Variants in ARRDC3 observed in about 807,000 individuals in gnomAD.
ARRDC3 encodes the protein arrestin domain containing 3.
Under a neutral mutation model 47.2 loss-of-function variants are expected in ARRDC3, and 10 were observed. The observed-to-expected ratio is 0.21, with a 90% CI of 0.13 to 0.36. The LOEUF is 0.36. Among genes scored for constraint, ARRDC3 ranks in the 10% least tolerant of loss-of-function variants. ARRDC3 has a pLI of 1.00. For missense variants in ARRDC3, 381 were observed against 503.6 expected (o/e 0.76, Z 2.33); for synonymous variants, 156 against 178.3 (o/e 0.87, Z 1.00).
Position 91,369,830 on chromosome 5 carries a change from G to A in ARRDC3, c.*1570C>T, listed in dbSNP as rs944397015. On this transcript the variant is annotated 3_prime_UTR_variant, in exon 8 of 8. Coordinates refer to ENST00000265138, the MANE Select transcript of ARRDC3 (RefSeq NM_020801.4). ...ATGCTGAAATGCTATCATGAATGCT[G>A]GTATATTTGTTATGAGCCAACAGAA... is the stretch of plus-strand genomic sequence containing the variant. 1 of 152,002 alleles carries A rather than the reference G, an allele frequency of 6.6e-6. No individual in the cohort carries two copies. Among genetic ancestry groups the A allele is most frequent in the African/African-American group, 2.4e-5 (1 of 41,370 alleles). 9.4% of individuals were successfully genotyped at this position (152,002 alleles called of 1,614,324 possible). A position where few individuals can be genotyped will look rare whatever the true frequency, so the allele number is the denominator to read the frequency against.
At chr5:91,379,519 G>GA (rs1799390347) in intron 1 of ARRDC3, among the ~76,000 whole-genome samples, 1 of 151,850 alleles carries the variant, frequency 6.6e-6, no homozygotes, top group East Asian at 1.9e-4. Context: ...CAACATCCTT[G>GA]AAAAAAATGA....
Position 91,371,081 on chromosome 5 carries a change from T to G in ARRDC3, c.*319A>C, listed in dbSNP as rs1321200013. 3.7e-6 allele frequency: 1 copy of G among 271,246 alleles called. No individual in the cohort carries two copies. Among genetic ancestry groups the G allele is most frequent in the Non-Finnish European group, 6.8e-6 (1 of 146,328 alleles). 16.8% of individuals were successfully genotyped at this position (271,246 alleles called of 1,614,324 possible). ...AATGTAAGCATTGAGCATGTGCAAATTTTCAAATCAAAAGAAGGAAATCAT... is the reference window on the plus strand; with the variant it reads ...AATGTAAGCATTGAGCATGTGCAAAGTTTCAAATCAAAAGAAGGAAATCAT... On this transcript the variant is annotated 3_prime_UTR_variant, in exon 8 of 8. Transcript: ENST00000265138.
rs748320156 is a variant in ARRDC3 at position 91,374,123 on chromosome 5, T to C, written c.1024A>G (p.Arg342Gly). The change falls in exon 6 of 8, where the codon AGA becomes GGA. Residue 342 changes from arginine (R) to glycine (G), a missense_variant. Arg to Gly is a moderately radical substitution (Grantham distance 125). Transcript: ENST00000265138. ...TGTATTATCAAATTACCTTCAGGTC[T>C]TTCAGGAAGTGATAAACTGAGCCAG... ...MNWLSLSLPE[R>G]PEAPPSYAEV... 1 of 1,611,914 alleles carries C rather than the reference T, an allele frequency of 6.2e-7. No homozygotes were observed. Among genetic ancestry groups the C allele is most frequent in the Non-Finnish European group, 8.5e-7 (1 of 1,179,372 alleles).
Position 91,371,391 on chromosome 5 carries a change from A to G in ARRDC3, c.*9T>C. 6.2e-7 allele frequency: 1 copy of G among 1,610,700 alleles called. No homozygotes were observed. The highest frequency in any genetic ancestry group is 2.2e-5 in the East Asian group (1 of 44,854). ...AACCCACATCAACTTGATTCAACCAAGTGTTCCTTCAACGAGAGGGGCAGG... is the reference window on the plus strand; with the variant it reads ...AACCCACATCAACTTGATTCAACCAGGTGTTCCTTCAACGAGAGGGGCAGG... On this transcript the variant is annotated 3_prime_UTR_variant, in exon 8 of 8. Transcript: ENST00000265138.
intron 7 of ARRDC3, among the ~76,000 whole-genome samples, chr5:91,372,686 C>T (rs998484821): frequency 1.3e-5 from 2 of 151,742 alleles, no homozygotes; most frequent in African/African-American, 4.8e-5. Context: ...ATCATCACAA[C>T]CAAAGGAAAA....
In ARRDC3 at chr5:91,375,088, T is replaced by C. The variant is rs1235455778; in HGVS notation, c.704A>G (p.Tyr235Cys). ...TACTTCCTTCATTTTCCCTTTGGCA[T>C]AGAAGGCCTGTGTTTGGTAAATGGC... Reference protein sequence around the residue: ...KAAIYQTQAFYAKGKMKEVKQ... With the variant: ...KAAIYQTQAFCAKGKMKEVKQ... Residue 235 changes from tyrosine to cysteine, a missense_variant, in exon 5 of 8, where the codon TAT (tyrosine) becomes TGT (cysteine). By Grantham distance (194) the Tyr-to-Cys change is radical. Transcript: ENST00000265138. 2 of 1,614,186 alleles carry C rather than the reference T, an allele frequency of 1.2e-6. No homozygotes were observed. The highest frequency in any genetic ancestry group is 1.1e-5 in the South Asian group (1 of 91,086).
At position 91,377,721 on chromosome 5, in the gene ARRDC3, A is replaced by G. The variant is rs563031408; in HGVS notation, c.363-953T>C. Among the ~76,000 whole-genome samples, 52 of 152,158 alleles carry G rather than the reference A, an allele frequency of 3.4e-4. No individual in the cohort carries two copies. In the East Asian group the frequency reaches 9.3e-3, roughly 27 times the overall value. On this transcript the variant is annotated intron_variant, in intron 2 of 7. Transcript: ENST00000265138. Reference sequence around the variant, plus strand: ...TTTAACATTAAATGACGCTGAAAATACTCAGGCCCCATATTGGCCTTATTC... The same window carrying G: ...TTTAACATTAAATGACGCTGAAAATGCTCAGGCCCCATATTGGCCTTATTC...
chr5:91,375,921 TA>T (rs541859651), intron 3 of ARRDC3, among the ~76,000 whole-genome samples: 1 of 151,338 alleles, frequency 6.6e-6, no homozygotes, highest in Non-Finnish European at 1.5e-5. Context: ...ACCAACCAAA[TA>T]AAAAAAACCC....
Position 91,369,336 on chromosome 5 carries a change from A to G in ARRDC3, c.*2064T>C, listed in dbSNP as rs1238305278. ...AAATGCCCTTTATGCCAAATATTCC[A>G]TTAGCTTTTTTTGAGGGGGACATTC... On this transcript the variant is annotated 3_prime_UTR_variant, in exon 8 of 8. Coordinates refer to ENST00000265138, the MANE Select transcript of ARRDC3 (RefSeq NM_020801.4). 6.6e-6 allele frequency: 1 copy of G among 152,400 alleles called. No homozygotes were observed. Among genetic ancestry groups the G allele is most frequent in the East Asian group, 1.9e-4 (1 of 5,192 alleles). The allele number at this position is 152,400 out of a possible 1,614,324, so 9.4% of individuals were successfully genotyped here. A position where few individuals can be genotyped will look rare whatever the true frequency, so the allele number is the denominator to read the frequency against.
rs959048568 is a variant in ARRDC3, at chr5:91,371,151, A to G, written c.*249T>C. On this transcript the variant is annotated 3_prime_UTR_variant, in exon 8 of 8. Transcript: ENST00000265138. ...TCTTGACACGTACGACCATAGGCTA[A>G]GAAGACTGCTCTGAGTATGTGCCAG... is the stretch of plus-strand genomic sequence containing the variant. The G allele has an allele frequency of 6.3e-6, 3 of 479,674 alleles. No homozygotes were observed. The highest frequency in any genetic ancestry group is 5.9e-5 in the African/African-American group (3 of 51,272). The allele number at this position is 479,674 out of a possible 1,614,324, so 29.7% of individuals were successfully genotyped here. A position where few individuals can be genotyped will look rare whatever the true frequency, so the allele number is the denominator to read the frequency against.
At chr5:91,379,624 G>A (rs1799393375) in intron 1 of ARRDC3, among the ~76,000 whole-genome samples, 1 of 151,746 alleles carries the variant, frequency 6.6e-6, no homozygotes, top group South Asian at 2.1e-4. Context: ...TTTTCAAGTG[G>A]CATGAAAATA....
Position 91,382,994 on chromosome 5 carries a change from C to G in ARRDC3, c.99G>C (p.Arg33Ser), listed in dbSNP as rs1258487375. 3 of 1,613,970 alleles carry G rather than the reference C, an allele frequency of 1.9e-6. No individual in the cohort carries two copies. The highest frequency in any genetic ancestry group is 2.7e-5 in the African/African-American group (2 of 74,922). ...VYSSGDTVSG[R>S]VNLEVTGEIR... Reference sequence around the variant, plus strand: ...TTTCCCCAGTAACTTCTAAATTTACCCTTCCTGAGACGGTATCCCCACTAG... The same window carrying G: ...TTTCCCCAGTAACTTCTAAATTTACGCTTCCTGAGACGGTATCCCCACTAG... Residue 33 changes from arginine to serine, a missense_variant, in exon 1 of 8, where the codon AGG becomes AGC. Physicochemically the swap from Arg to Ser is moderately radical, Grantham distance 110. Transcript: ENST00000265138.
intron 2 of ARRDC3, 34 bp from the exon 3 acceptor site, chr5:91,376,802 T>G: frequency 6.4e-7 from 1 of 1,565,748 alleles, no homozygotes; most frequent in Non-Finnish European, 8.6e-7. Context: ...ATATTAATTT[T>G]ATACCTCTTT....
At chr5:91,375,697 T>C in intron 3 of ARRDC3, 84 bp from the exon 4 acceptor site, 15 of 915,118 alleles carry the variant, frequency 1.6e-5, no homozygotes, top group Non-Finnish European at 2.3e-5. Context: ...TAACCCTAAA[T>C]TTATGGAAAA....
At chr5:91,373,662 T>TA (rs757623751) in intron 7 of ARRDC3, 22 bp downstream of exon 7, 1 of 1,584,586 alleles carries the variant, frequency 6.3e-7, no homozygotes, top group Non-Finnish European at 8.6e-7. Flanking sequence ...GTTCATTTCA[T>TA]ACTTAAGGAG....
chr5:91,375,184 G>C lies in ARRDC3; in HGVS notation c.614-6C>G. Reference sequence around the variant, plus strand: ...AAATATCTGAATTGATTCACCTAGAGAGGGAAAAATATATACATATCTACT... The same window carrying C: ...AAATATCTGAATTGATTCACCTAGACAGGGAAAAATATATACATATCTACT... On this transcript the variant is annotated splice_region_variant and splice_polypyrimidine_tract_variant and intron_variant, in intron 4 of 7. Transcript: ENST00000265138. The C allele has an allele frequency of 6.2e-7, 1 of 1,610,986 alleles. No individual in the cohort carries two copies. Among genetic ancestry groups the C allele is most frequent in the South Asian group, 1.1e-5 (1 of 91,060 alleles).
chr5:91,371,464 G>T lies in ARRDC3; in HGVS notation c.1189-8C>A. 6.2e-7 allele frequency: 1 copy of T among 1,609,696 alleles called. No homozygotes were observed. Among genetic ancestry groups the T allele is most frequent in the East Asian group, 2.2e-5 (1 of 44,838 alleles). ...ATCAGGATTTGGATCAATCTAGAAAGAAATGAGAAAAAAAGTTTACAGAGT... is the reference window on the plus strand; with the variant it reads ...ATCAGGATTTGGATCAATCTAGAAATAAATGAGAAAAAAAGTTTACAGAGT... On this transcript the variant is annotated splice_region_variant and splice_polypyrimidine_tract_variant and intron_variant, in intron 7 of 7. Transcript: ENST00000265138.
intron 7 of ARRDC3, 135 bp from the exon 8 acceptor site, chr5:91,371,591 TC>T (rs1196960603): frequency 1.4e-5 from 9 of 661,072 alleles, no homozygotes; most frequent in African/African-American, 3.6e-5. Context: ...GCATATTATA[TC>T]CAATTATTCT....
At position 91,370,025 on chromosome 5, in the gene ARRDC3, C is replaced by T. The variant is rs889066480; in HGVS notation, c.*1375G>A. On this transcript the variant is annotated 3_prime_UTR_variant, in exon 8 of 8. Coordinates refer to ENST00000265138, the MANE Select transcript of ARRDC3 (RefSeq NM_020801.4). ...AATCCAAAAGATTTATCGCAGCAAA[C>T]GTTCTAGTATTTTAAATTTTGAAGT... The T allele has an allele frequency of 2.0e-5, 3 of 152,082 alleles. No individual in the cohort carries two copies. Among genetic ancestry groups the T allele is most frequent in the African/African-American group, 4.8e-5 (2 of 41,402 alleles). 9.4% of individuals were successfully genotyped at this position (152,082 alleles called of 1,614,324 possible). A position where few individuals can be genotyped will look rare whatever the true frequency, so the allele number is the denominator to read the frequency against.
Sources: gnomAD v4.1 joint callset for allele counts (sites outside exome capture counted in the v4.1 genomes callset) on GRCh38, gnomAD v4.1.1 for gene constraint, MANE v1.5 for transcripts, NCBI Gene and HGNC (gene_info 2026-07-23, HGNC 2026-07-21) for gene names.